ICA1: variants seen among roughly 807,000 people sequenced by gnomAD.
ICA1 encodes the protein islet cell autoantigen 1, also known as 69 kDa islet cell autoantigen.
Under a neutral mutation model 71.0 loss-of-function variants are expected in ICA1, and 40 were observed. That is an observed-to-expected ratio of 0.56 (90% confidence interval 0.44 to 0.73). The LOEUF (loss-of-function observed/expected upper bound fraction) is 0.73, where lower values mean the gene tolerates loss of function less well. Ranked by LOEUF, ICA1 falls within the 30% of genes least tolerant of loss-of-function variation. The probability of loss-of-function intolerance (pLI) is 0.00; values close to 1 mark genes in which losing one functional copy is unlikely to be tolerated. For missense variants in ICA1, 578 were observed against 576.5 expected, an observed-to-expected ratio of 1.00 and a Z score of -0.03; for synonymous variants, 207 against 209.5, an observed-to-expected ratio of 0.99 and a Z score of 0.10.
intron 8 of ICA1, among the ~76,000 whole-genome samples, chr7:8,145,862 T>C (rs188585665): frequency 2.4e-4 from 36 of 151,768 alleles, no homozygotes; most frequent in African/African-American, 8.7e-4. Flanking sequence ...GACTACAGAA[T>C]ATAAAAAAGA....
intron 8 of ICA1, 123 bp downstream of exon 8, chr7:8,156,982 TGCTGGGGGCAC>T (rs1801829294): frequency 6.4e-7 from 1 of 1,573,108 alleles, no homozygotes; most frequent in Non-Finnish European, 8.6e-7. Context: ...AAAAAGACTC[TGCTGGGGGCAC>T]AGTTCTCTCT....
intron 1 of ICA1, among the ~76,000 whole-genome samples, chr7:8,249,075 C>T (rs3807811): frequency 0.42 from 64,551 of 152,102 alleles, 14,775 homozygotes; most frequent in African/African-American, 0.6. Context: ...CAGACTTTTG[C>T]GGCTATTTGT....
chr7:8,257,308 A>G (rs1285920974), intron 1 of ICA1, among the ~76,000 whole-genome samples: 1 of 152,230 alleles, frequency 6.6e-6, no homozygotes, highest in Admixed American at 6.5e-5. Flanking sequence ...ATCACAGAGA[A>G]GACCGGATTT....
chr7:8,121,886 T>C (rs1208856146), intron 13 of ICA1, among the ~76,000 whole-genome samples: 3 of 152,212 alleles, frequency 2.0e-5, no homozygotes, highest in African/African-American at 7.2e-5. Context: ...TACATACGTC[T>C]ACTAGTCCCA....
chr7:8,223,402 G>A lies in ICA1; in HGVS notation c.257-2004C>T, dbSNP rs538169184. The A allele has an allele frequency of 3.2e-5, 5 of 154,378 alleles. No individual in the cohort carries two copies. Among genetic ancestry groups the A allele is most frequent in the African/African-American group, 4.8e-5 (2 of 41,546 alleles). 9.6% of individuals were successfully genotyped at this position (154,378 alleles called of 1,614,324 possible). On this transcript the variant is annotated intron_variant, in intron 4 of 13. Transcript: ENST00000402384. The surrounding 1 kb of genome is among the most constrained non-coding windows in gnomAD (Gnocchi z 4.1). The stretch of plus-strand genomic sequence containing the variant: ...GCTGAAACATTTAAAAATAATTTTC[G>A]GTCATTTTAGGCACTTGTGGATCAA...
intron 1 of ICA1, among the ~76,000 whole-genome samples, chr7:8,257,650 T>C (rs1230451117): frequency 3.3e-5 from 5 of 152,182 alleles, no homozygotes; most frequent in Non-Finnish European, 7.4e-5. Context: ...ATTCATGTAT[T>C]TTCTGCTAAA....
intron 6 of ICA1, among the ~76,000 whole-genome samples, chr7:8,182,716 T>C (rs1782586648): frequency 6.6e-6 from 1 of 152,272 alleles, no homozygotes; most frequent in Non-Finnish European, 1.5e-5. Flanking sequence ...GGATTTATTC[T>C]ATTTTTAAAA....
chr7:8,127,202 G>A (rs1043427937), intron 13 of ICA1, among the ~76,000 whole-genome samples: 1 of 150,684 alleles, frequency 6.6e-6, no homozygotes, highest in Non-Finnish European at 1.5e-5. Flanking sequence ...TTGTTGGCCA[G>A]GCTGGTCTCA....
intron 6 of ICA1, among the ~76,000 whole-genome samples, chr7:8,189,646 A>G (rs1784935393): frequency 6.6e-6 from 1 of 151,950 alleles, no homozygotes; most frequent in Non-Finnish European, 1.5e-5. Flanking sequence ...CAACTATAAA[A>G]CCAGCGGTAG....
In ICA1 at chr7:8,247,511, T is replaced by C. The variant is rs140571084; in HGVS notation, c.-79-11506A>G. On this transcript the variant is annotated intron_variant, in intron 1 of 13. Coordinates refer to ENST00000402384, the MANE Select transcript of ICA1 (RefSeq NM_001136020.3). Reference sequence around the variant, plus strand: ...ACAAAACAAGCCATTTTGAACAAGCTGGACAGCTTGGCCATAAGACATGCA... The same window carrying C: ...ACAAAACAAGCCATTTTGAACAAGCCGGACAGCTTGGCCATAAGACATGCA... Among the ~76,000 whole-genome samples the C allele has an allele frequency of 3.3e-3, 498 of 152,206 alleles. 4 individuals are homozygous for C. The highest frequency in any genetic ancestry group is 0.011 in the African/African-American group (468 of 41,532).
At chr7:8,241,866 C>G (rs1804034660) in intron 1 of ICA1, among the ~76,000 whole-genome samples, 1 of 152,190 alleles carries the variant, frequency 6.6e-6, no homozygotes, top group East Asian at 1.9e-4. Context: ...GAAGAGTTAA[C>G]TATCCTAAAT....
intron 5 of ICA1, among the ~76,000 whole-genome samples, chr7:8,219,117 G>T (rs1434604262): frequency 6.6e-6 from 1 of 151,850 alleles, no homozygotes; most frequent in Non-Finnish European, 1.5e-5. Flanking sequence ...TACTATACCA[G>T]AAATGAAAGT....
At position 8,144,029 on chromosome 7, in the gene ICA1, CA is replaced by C. The variant is rs908376120; in HGVS notation, c.805-58del. On this transcript the variant is annotated intron_variant, in intron 8 of 13. Coordinates refer to ENST00000402384, the MANE Select transcript of ICA1 (RefSeq NM_001136020.3). The surrounding 1 kb of genome is among the most constrained non-coding windows in gnomAD (Gnocchi z 4.5). ...AAAAAAAAAGAAGAAGAAATAGAGA[CA>C]AAAAAAAGAAAAGAAAGGTTATCAA... is the stretch of plus-strand genomic sequence containing the variant. 64 of 979,888 alleles carry C rather than the reference CA, an allele frequency of 6.5e-5. No individual in the cohort carries two copies. The highest frequency in any genetic ancestry group is 2.2e-4 in the Middle Eastern group (1 of 4,638). The allele number at this position is 979,888 out of a possible 1,614,324, so 60.7% of individuals were successfully genotyped here. A position where few individuals can be genotyped will look rare whatever the true frequency, so the allele number is the denominator to read the frequency against.
intron 1 of ICA1, among the ~76,000 whole-genome samples, chr7:8,258,741 C>G (rs1291158711): frequency 1.3e-5 from 2 of 151,926 alleles, no homozygotes; most frequent in Non-Finnish European, 2.9e-5. Context: ...ACTTACAGGT[C>G]AAAAAACAAA....
intron 6 of ICA1, among the ~76,000 whole-genome samples, chr7:8,217,606 A>G (rs919136572): frequency 6.6e-6 from 1 of 152,222 alleles, no homozygotes; most frequent in Non-Finnish European, 1.5e-5. Flanking sequence ...AACTACCAAG[A>G]TTGTACACAA....
At chr7:8,224,018 C>A (rs1282552269) in intron 4 of ICA1, among the ~76,000 whole-genome samples, 5 of 152,092 alleles carry the variant, frequency 3.3e-5, no homozygotes, top group Non-Finnish European at 7.3e-5. Flanking sequence ...CACTGGAATA[C>A]AGTGATGAAG....
intron 12 of ICA1, among the ~76,000 whole-genome samples, chr7:8,131,503 A>G (rs1227174691): frequency 6.6e-6 from 1 of 152,172 alleles, no homozygotes; most frequent in Admixed American, 6.5e-5. Context: ...AGGTCTACCA[A>G]TGAATTTAGC....
chr7:8,145,145 CCTT>C (rs1203218798), intron 8 of ICA1, among the ~76,000 whole-genome samples: 2 of 152,190 alleles, frequency 1.3e-5, no homozygotes, highest in Non-Finnish European at 2.9e-5. Context: ...ATCATGTTAT[CCTT>C]CTTTTCAAGA....
Position 8,149,604 on chromosome 7 carries a change from A to C in ICA1, c.805-5632T>G, listed in dbSNP as rs563935870. 1.7e-3 allele frequency among the ~76,000 whole-genome samples: 260 copies of C among 152,386 alleles called. 1 individual carries two copies. The highest frequency in any genetic ancestry group is 6.1e-3 in the African/African-American group (253 of 41,590). On this transcript the variant is annotated intron_variant, in intron 8 of 13. Transcript: ENST00000402384. The stretch of plus-strand genomic sequence containing the variant: ...CTGAATGAATGCAAAACTACTTAGC[A>C]AAACAAATTTCACAGACACAAGGCC...
Sources: gnomAD v4.1 joint callset for allele counts (sites outside exome capture counted in the v4.1 genomes callset) on GRCh38, gnomAD v4.1.1 for gene constraint, Gnocchi (gnomAD v3.1) non-coding constraint, MANE v1.5 for transcripts, NCBI Gene and HGNC (gene_info 2026-07-23, HGNC 2026-07-21) for gene names.